ANO3: variants seen among roughly 807,000 people sequenced by gnomAD.
ANO3 encodes the protein anoctamin 3.
A neutral mutation model predicts 144.8 loss-of-function variants in ANO3; 99 were observed. The ratio of observed to expected loss-of-function variants is 0.68; its 90% CI spans 0.58 to 0.81. The LOEUF is 0.81. ANO3 is among the 30% of genes least tolerant of loss of function. The probability of loss-of-function intolerance (pLI) is 0.00; values close to 1 mark genes in which losing one functional copy is unlikely to be tolerated. For missense variants in ANO3, 905 were observed against 1,202.2 expected (o/e 0.75, Z 3.66); for synonymous variants, 414 against 392.6 (o/e 1.05, Z -0.64).
chr11:26,559,871 C>G, intron 14 of ANO3, 92 bp downstream of exon 14: 5 of 797,784 alleles, frequency 6.3e-6, no homozygotes, highest in South Asian at 1.6e-5. Context: ...CACACACACA[C>G]ACACCATGAA....
intron 1 of ANO3, among the ~76,000 whole-genome samples, chr11:26,339,627 C>T (rs1227959031): frequency 1.3e-5 from 2 of 152,146 alleles, no homozygotes; most frequent in Non-Finnish European, 2.9e-5. Context: ...AAAATAATAT[C>T]AGAGTTCAGG....
chr11:26,246,720 T>C (rs1171526882), intron 1 of ANO3, among the ~76,000 whole-genome samples: 2 of 151,940 alleles, frequency 1.3e-5, no homozygotes, highest in African/African-American at 4.8e-5. Context: ...AGAGACGTGG[T>C]GGGAGGTAAT....
intron 1 of ANO3, among the ~76,000 whole-genome samples, chr11:26,275,038 T>C (rs2133839428): frequency 6.6e-6 from 1 of 152,202 alleles, no homozygotes. Flanking sequence ...TAATTTATCT[T>C]TAACTCTATC....
chr11:26,445,525 G>T lies in ANO3; in HGVS notation c.313+1689G>T, dbSNP rs551363603. ...TTTCTCATCACTTTTGTGTGTCTCG[G>T]TTATTTGTTCCAGCTGACCTGTGTT... On this transcript the variant is annotated intron_variant, in intron 3 of 26. Transcript: ENST00000256737. Among the ~76,000 whole-genome samples the T allele has an allele frequency of 3.9e-5, 6 of 152,000 alleles. No individual in the cohort carries two copies. In the South Asian group the frequency reaches 1.3e-3, roughly 32 times the overall value.
chr11:26,224,306 C>T (rs1361569527), intron 1 of ANO3, among the ~76,000 whole-genome samples: 1 of 152,250 alleles, frequency 6.6e-6, no homozygotes, highest in Non-Finnish European at 1.5e-5. Context: ...GTTAATCCTA[C>T]ATGTTTACAG....
intron 1 of ANO3, among the ~76,000 whole-genome samples, chr11:26,235,273 C>G (rs1348527208): frequency 1.3e-5 from 2 of 152,208 alleles, no homozygotes; most frequent in African/African-American, 2.4e-5. Context: ...TTCCCATATA[C>G]AAGACTGCAT....
chr11:26,542,526 G>C (rs1479155304), intron 11 of ANO3, among the ~76,000 whole-genome samples: 1 of 151,658 alleles, frequency 6.6e-6, no homozygotes, highest in Non-Finnish European at 1.5e-5. Flanking sequence ...AAGTAATTTA[G>C]AGTAAAACCT....
intron 1 of ANO3, among the ~76,000 whole-genome samples, chr11:26,376,534 C>A (rs1298721064): frequency 6.6e-6 from 1 of 152,008 alleles, no homozygotes; most frequent in African/African-American, 2.4e-5. Context: ...TTTCTTGAAA[C>A]ATGTCCTTCG....
intron 4 of ANO3, among the ~76,000 whole-genome samples, chr11:26,476,786 T>C (rs1859989789): frequency 1.3e-5 from 2 of 152,048 alleles, no homozygotes; most frequent in Admixed American, 6.6e-5. Context: ...TTTAGATGTC[T>C]ATCTACAGAG....
intron 17 of ANO3, among the ~76,000 whole-genome samples, chr11:26,618,056 C>G (rs1313856843): frequency 6.6e-6 from 1 of 152,052 alleles, no homozygotes; most frequent in African/African-American, 2.4e-5. Context: ...AAAATATATG[C>G]TTTTTTGTTG....
In ANO3 at chr11:26,553,351, T is replaced by G. The variant is rs745559224; in HGVS notation, c.1386+6T>G. The G allele has an allele frequency of 6.3e-7, 1 of 1,598,568 alleles. No homozygotes were observed. The highest frequency in any genetic ancestry group is 2.2e-5 in the East Asian group (1 of 44,790). On this transcript the variant is annotated splice_donor_region_variant and intron_variant, in intron 13 of 26. Transcript: ENST00000256737. ...ACAGCTGTATCTATGCCAAGGTGAG[T>G]GTGGACCCTCACATTCTCCTCCCTG...
intron 1 of ANO3, among the ~76,000 whole-genome samples, chr11:26,208,820 T>C (rs939806852): frequency 1.3e-5 from 2 of 152,248 alleles, no homozygotes; most frequent in Non-Finnish European, 2.9e-5. Context: ...TAAAGTTTTG[T>C]ACTAACATTT....
At chr11:26,237,660 G>C (rs775423971) in intron 1 of ANO3, among the ~76,000 whole-genome samples, 3 of 152,094 alleles carry the variant, frequency 2.0e-5, no homozygotes, top group African/African-American at 4.8e-5. Flanking sequence ...TATAATGGAA[G>C]TGAAGAACAT....
chr11:26,458,073 G>A (rs1301659773), intron 3 of ANO3, among the ~76,000 whole-genome samples: 1 of 152,004 alleles, frequency 6.6e-6, no homozygotes, highest in Non-Finnish European at 1.5e-5. Context: ...TATAATATTT[G>A]GTATTGTAAT....
chr11:26,209,075 C>G (rs1465743063), intron 1 of ANO3, among the ~76,000 whole-genome samples: 1 of 152,136 alleles, frequency 6.6e-6, no homozygotes, highest in African/African-American at 2.4e-5. Context: ...ATACACGTGC[C>G]ATGGTGGTTT....
chr11:26,620,720 T>TC lies in ANO3; in HGVS notation c.1837-3739dup, dbSNP rs538589696. ...CCATCTCTAGAGTCCAGAGCATACA[T>TC]CCCTATACTTCTTTCATGGGCCTGA... On this transcript the variant is annotated intron_variant, in intron 17 of 26. Coordinates refer to ENST00000256737, the MANE Select transcript of ANO3 (RefSeq NM_031418.4). Among the ~76,000 whole-genome samples, 43 of 152,278 alleles carry TC rather than the reference T, an allele frequency of 2.8e-4. No homozygotes were observed. In the East Asian group the frequency reaches 8.3e-3, roughly 29 times the overall value.
At chr11:26,307,212 G>A (rs1033940742), upstream of ANO3, among the ~76,000 whole-genome samples, 1 of 151,782 alleles carries the variant, frequency 6.6e-6, no homozygotes, top group African/African-American at 2.4e-5. Flanking sequence ...AAATTAGCCA[G>A]TCGTGGTGGC....
intron 14 of ANO3, among the ~76,000 whole-genome samples, chr11:26,593,391 A>C (rs186396825): frequency 6.6e-6 from 1 of 152,212 alleles, no homozygotes; most frequent in East Asian, 1.9e-4. Context: ...TGTCTGGGAG[A>C]AGTATCTAGT....
Position 26,224,909 on chromosome 11 carries a change from G to A in ANO3, c.154+35579G>A, listed in dbSNP as rs906608527. 9.9e-5 allele frequency among the ~76,000 whole-genome samples: 15 copies of A among 152,216 alleles called. No individual in the cohort carries two copies. The East Asian group carries it at 1.7e-3, about 18-fold the overall frequency. ...CAAGGCCATGTGGGGATCTGTAATC[G>A]TGCACTAACATCCATCTTCTCTTGC... On this transcript the variant is annotated intron_variant, in intron 1 of 27. Coordinates refer to the ANO3 transcript ENST00000672621.
Sources: gnomAD v4.1 joint callset for allele counts (sites outside exome capture counted in the v4.1 genomes callset) on GRCh38, gnomAD v4.1.1 for gene constraint, MANE v1.5 for transcripts, NCBI Gene and HGNC (gene_info 2026-07-23, HGNC 2026-07-21) for gene names.